RB1CC1: variants seen among roughly 807,000 people sequenced by gnomAD.
RB1CC1 encodes RB1-inducible coiled-coil protein 1.
RB1CC1 carries 46 observed loss-of-function variants against 177.5 expected under a neutral mutation model. The observed-to-expected ratio is 0.26, with a 90% CI of 0.20 to 0.33. RB1CC1 has a LOEUF of 0.33. Ranked by LOEUF, RB1CC1 falls within the 10% of genes least tolerant of loss-of-function variation. The pLI is 1.00. For synonymous variants in RB1CC1, 666 were observed against 613.6 expected, an observed-to-expected ratio of 1.09 and a Z score of -1.26; for missense variants, 1,703 against 1,816.3, an observed-to-expected ratio of 0.94 and a Z score of 1.13.
At chr8:52,691,498 C>T (rs917295858) in intron 1 of RB1CC1, among the ~76,000 whole-genome samples, 1 of 152,326 alleles carries the variant, frequency 6.6e-6, no homozygotes, top group Middle Eastern at 3.4e-3. Flanking sequence ...TTTGATTACA[C>T]TGGCTCCAGA....
At chr8:52,639,728 A>G (rs1283612945) in intron 18 of RB1CC1, among the ~76,000 whole-genome samples, 1 of 152,180 alleles carries the variant, frequency 6.6e-6, no homozygotes, top group Non-Finnish European at 1.5e-5. Flanking sequence ...ACATGACTCT[A>G]TAAACCTTCT....
In RB1CC1 at chr8:52,657,458, G is replaced by C; in HGVS notation, c.2371C>G (p.His791Asp). The C allele has an allele frequency of 1.9e-6, 3 of 1,613,638 alleles. No individual in the cohort carries two copies. Among genetic ancestry groups the C allele is most frequent in the South Asian group, 1.1e-5 (1 of 91,074 alleles). ...NVCGKEDFGD[H>D]TSLNVQLERC... is the part of the protein sequence containing the mutation. ...TCCAACTGGACATTCAGAGAAGTAT[G>C]ATCTCCAAAATCCTCCTTACCACAT... Residue 791 changes from histidine to aspartate, a missense_variant, in exon 15 of 24, where the codon CAT becomes GAT. By Grantham distance (81) the His-to-Asp change is moderately conservative. This residue lies in a region of RB1CC1 where 1,169 missense variants were observed against 1,184.7 expected (regional missense o/e 0.99). Coordinates refer to ENST00000025008, the MANE Select transcript of RB1CC1 (RefSeq NM_014781.5).
intron 20 of RB1CC1, among the ~76,000 whole-genome samples, chr8:52,633,857 G>A (rs561663433): frequency 3.7e-4 from 57 of 152,318 alleles, no homozygotes; most frequent in African/African-American, 1.2e-3. Context: ...GGGAGGCTGA[G>A]GCAGGCGGAT....
At chr8:52,686,243 A>C (rs1281227453) in intron 2 of RB1CC1, 1 of 152,224 alleles carries the variant, frequency 6.6e-6, no homozygotes, top group Non-Finnish European at 1.5e-5. Context: ...TTCATCTATA[A>C]AATGAGGATA....
At chr8:52,711,589 G>C (rs914732685) in intron 1 of RB1CC1, among the ~76,000 whole-genome samples, 4 of 152,176 alleles carry the variant, frequency 2.6e-5, no homozygotes, top group Non-Finnish European at 5.9e-5. Context: ...CATTGCTGAA[G>C]CTAAAAGAGT....
intron 1 of RB1CC1, among the ~76,000 whole-genome samples, chr8:52,688,388 C>T (rs1450135423): frequency 6.6e-6 from 1 of 152,138 alleles, no homozygotes; most frequent in Non-Finnish European, 1.5e-5. Flanking sequence ...GGGAGGTCTA[C>T]AAATGGCTGC....
intron 1 of RB1CC1, among the ~76,000 whole-genome samples, chr8:52,708,820 A>ATG (rs1856817579): frequency 1.3e-5 from 2 of 152,160 alleles, no homozygotes; most frequent in Admixed American, 1.3e-4. Context: ...CATTATCTCC[A>ATG]TTGATGCGGT....
chr8:52,663,356 T>G (rs1851793213), intron 8 of RB1CC1, among the ~76,000 whole-genome samples: 1 of 141,800 alleles, frequency 7.1e-6, no homozygotes, highest in Non-Finnish European at 1.5e-5. Flanking sequence ...TGAGTGAGGT[T>G]TTTTTTTTTG....
chr8:52,635,508 T>C (rs1849070925), intron 19 of RB1CC1, among the ~76,000 whole-genome samples: 1 of 152,184 alleles, frequency 6.6e-6, no homozygotes, highest in Non-Finnish European at 1.5e-5. Flanking sequence ...CTGCCAAATG[T>C]GTACCAATTT....
At position 52,683,707 on chromosome 8, in the gene RB1CC1, T is replaced by C. The variant is rs771375929; in HGVS notation, c.211A>G (p.Ile71Val). The C allele has an allele frequency of 6.3e-6, 10 of 1,586,766 alleles. No homozygotes were observed. The highest frequency in any genetic ancestry group is 1.2e-5 in the South Asian group (1 of 86,228). Residue 71 changes from isoleucine (I) to valine (V), a missense_variant, in exon 5 of 24, where the codon ATT becomes GTT. Ile to Val is a conservative substitution (Grantham distance 29). Coordinates refer to ENST00000025008, the MANE Select transcript of RB1CC1 (RefSeq NM_014781.5). ...TYSAGTDTNP[I>V]FLFNKEMILC... is the part of the protein sequence containing the mutation. ...ATCATTTCTTTGTTAAAAAGAAAAA[T>C]TGGATTTGTATCCTATATTTTTTAA...
intron 1 of RB1CC1, among the ~76,000 whole-genome samples, chr8:52,703,968 T>C (rs1244705331): frequency 6.6e-6 from 1 of 152,210 alleles, no homozygotes; most frequent in Non-Finnish European, 1.5e-5. Context: ...TTATGTTACA[T>C]ACTCCTATAT....
At chr8:52,641,115 G>A (rs1254739634) in intron 18 of RB1CC1, among the ~76,000 whole-genome samples, 1 of 152,038 alleles carries the variant, frequency 6.6e-6, no homozygotes, top group African/African-American at 2.4e-5. Context: ...CGGGCGCGAT[G>A]ACTCACACCT....
At chr8:52,675,528 T>C (rs1310995146) in intron 6 of RB1CC1, among the ~76,000 whole-genome samples, 1 of 151,982 alleles carries the variant, frequency 6.6e-6, no homozygotes, top group Non-Finnish European at 1.5e-5. Context: ...GTGTATTAAA[T>C]GTACTTCTAT....
At chr8:52,636,767 G>A (rs1849175153) in intron 18 of RB1CC1, among the ~76,000 whole-genome samples, 1 of 152,066 alleles carries the variant, frequency 6.6e-6, no homozygotes, top group South Asian at 2.1e-4. Context: ...TGCGCATATG[G>A]TGAGGAAAGG....
chr8:52,642,623 T>A, intron 17 of RB1CC1, 32 bp from the exon 18 acceptor site: 1 of 1,601,898 alleles, frequency 6.2e-7, no homozygotes, highest in Non-Finnish European at 8.5e-7. Context: ...AAAAGTATCA[T>A]GTAATTAAAA....
intron 7 of RB1CC1, among the ~76,000 whole-genome samples, chr8:52,669,970 T>C (rs1298485164): frequency 6.6e-6 from 1 of 152,092 alleles, no homozygotes; most frequent in Non-Finnish European, 1.5e-5. Flanking sequence ...AAATTTATTT[T>C]TGAGCCACGT....
Position 52,661,541 on chromosome 8 carries a change from C to A in RB1CC1, c.1352G>T (p.Arg451Ile). ...KQELANNLHV[R>I]LKWCCFVMLH... The stretch of plus-strand genomic sequence containing the variant: ...ATATAAATGAATCACTTACTTCAGT[C>A]TGACATGTAGGTTATTTGCTAGTTC... The change falls in exon 9 of 24, where the codon AGA becomes ATA. Residue 451 changes from arginine to isoleucine, a missense_variant. Physicochemically the swap from Arg to Ile is moderately conservative, Grantham distance 97. Transcript: ENST00000025008. 1 of 1,597,586 alleles carries A rather than the reference C, an allele frequency of 6.3e-7. No individual in the cohort carries two copies. Among genetic ancestry groups the A allele is most frequent in the South Asian group, 1.1e-5 (1 of 88,034 alleles).
rs551573177 is a variant in RB1CC1 at position 52,660,758 on chromosome 8, C to T, written c.1628-101G>A. 27 of 1,228,482 alleles carry T rather than the reference C, an allele frequency of 2.2e-5. No homozygotes were observed. In the African/African-American group the frequency reaches 4.0e-4, roughly 18 times the overall value. The allele number at this position is 1,228,482 out of a possible 1,614,324, so 76.1% of individuals were successfully genotyped here. On this transcript the variant is annotated intron_variant, in intron 11 of 23. Coordinates refer to ENST00000025008, the MANE Select transcript of RB1CC1 (RefSeq NM_014781.5). ...GGTAAATTAAAAGTTGACAGTACTT[C>T]AAGTTTAAAATTTAACAATGGATTC... is the stretch of plus-strand genomic sequence containing the variant.
At chr8:52,685,885 C>T (rs900214998) in intron 2 of RB1CC1, 1 of 153,532 alleles carries the variant, frequency 6.5e-6, no homozygotes, top group East Asian at 1.9e-4. Context: ...GTTTTCCCCC[C>T]ACTTCTTCCT....
Sources: allele counts gnomAD v4.1 joint callset (sites outside exome capture counted in the v4.1 genomes callset), GRCh38; gene constraint gnomAD v4.1.1; regional missense constraint gnomAD v4.1.1; transcripts MANE v1.5; gene names NCBI Gene and HGNC (gene_info 2026-07-23, HGNC 2026-07-21).